The following CSMD2 variants were observed in gnomAD, a reference collection of about 807,000 sequenced individuals.
The protein encoded by CSMD2 is CUB and Sushi multiple domains 2, also known as CUB and sushi domain-containing protein 2.
In CSMD2, 130 loss-of-function variants were observed where a neutral mutation model predicts 398.5. The ratio of observed to expected loss-of-function variants is 0.33; its 90% CI spans 0.28 to 0.38. CSMD2 has a LOEUF of 0.38. CSMD2 is among the 10% of genes least tolerant of loss of function. The pLI is 1.00. For missense variants in CSMD2, 3,829 were observed against 4,764.9 expected, an observed-to-expected ratio of 0.80 and a Z score of 5.78; for synonymous variants, 1,828 against 1,908.5, an observed-to-expected ratio of 0.96 and a Z score of 1.10.
chr1:33,550,398 C>T, intron 55 of CSMD2, 48 bp from the exon 56 acceptor site: 1 of 1,559,090 alleles, frequency 6.4e-7, no homozygotes. Flanking sequence ...AGGGATGGCT[C>T]ACCATCACAC....
intron 2 of CSMD2, among the ~76,000 whole-genome samples, chr1:34,055,325 G>A (rs1023629151): frequency 1.3e-5 from 2 of 152,190 alleles, no homozygotes; most frequent in Non-Finnish European, 2.9e-5. Flanking sequence ...TTCTGCAGTG[G>A]ATGCAGGCTG....
chr1:33,659,871 A>G (rs953744617), intron 26 of CSMD2, among the ~76,000 whole-genome samples: 8 of 152,256 alleles, frequency 5.3e-5, no homozygotes, highest in Non-Finnish European at 1.0e-4. Context: ...TTTTGTAAAT[A>G]AAGTTTTACT....
intron 3 of CSMD2, among the ~76,000 whole-genome samples, chr1:33,958,618 TAG>T (rs983358801): frequency 1.1e-4 from 17 of 152,184 alleles, no homozygotes; most frequent in Non-Finnish European, 2.1e-4. Context: ...CTTGAAGCAG[TAG>T]AGACTTTTCT....
At chr1:34,098,368 C>G (rs1210888601) in intron 1 of CSMD2, among the ~76,000 whole-genome samples, 3 of 145,814 alleles carry the variant, frequency 2.1e-5, no homozygotes, top group Non-Finnish European at 4.5e-5. Context: ...ACGTATGTAA[C>G]TAACCTGCAC....
chr1:33,648,361 C>CAAAAAA (rs61207590), intron 28 of CSMD2, among the ~76,000 whole-genome samples: 5,605 of 71,366 alleles, frequency 0.079, 154 homozygotes, highest in East Asian at 0.15. Context: ...GACTCTGTCT[C>CAAAAAA]AAAAAAAAAA....
At chr1:33,984,918 C>T (rs1453527058) in intron 3 of CSMD2, among the ~76,000 whole-genome samples, 2 of 151,990 alleles carry the variant, frequency 1.3e-5, no homozygotes, top group Non-Finnish European at 2.9e-5. Flanking sequence ...CACAGAACCC[C>T]AGAACCCCAG....
chr1:34,069,759 T>C (rs1337176137), intron 2 of CSMD2, among the ~76,000 whole-genome samples: 1 of 152,186 alleles, frequency 6.6e-6, no homozygotes, highest in East Asian at 1.9e-4. Flanking sequence ...GAGGTGTGAT[T>C]AGATTTGGAG....
In CSMD2 at chr1:33,633,310, G is replaced by T. The variant is rs1190926918; in HGVS notation, c.5200+112C>A. 2.9e-5 allele frequency: 22 copies of T among 765,812 alleles called. No homozygotes were observed. The East Asian group carries it at 5.7e-4, about 20-fold the overall frequency. The allele number at this position is 765,812 out of a possible 1,614,324, so 47.4% of individuals were successfully genotyped here. A position where few individuals can be genotyped will look rare whatever the true frequency, so the allele number is the denominator to read the frequency against. ...AGCACCAGAACACGACAGGCACGCA[G>T]AGCCGTAGGGTTCCACCTGCGGCCA... On this transcript the variant is annotated intron_variant, in intron 32 of 70. Transcript: ENST00000373381. This position sits in a 1 kb window ranked among gnomAD's most constrained non-coding sequence, Gnocchi z 5.0.
chr1:34,140,533 AC>A (rs368071562), intron 1 of CSMD2, among the ~76,000 whole-genome samples: 4 of 152,178 alleles, frequency 2.6e-5, no homozygotes, highest in African/African-American at 9.6e-5. Flanking sequence ...CACCTTGGCA[AC>A]CACGAGGGAG....
intron 5 of CSMD2, among the ~76,000 whole-genome samples, chr1:33,905,277 G>A (rs541645924): frequency 1.3e-5 from 2 of 152,106 alleles, no homozygotes; most frequent in Non-Finnish European, 2.9e-5. Context: ...GGACCCTCTG[G>A]GTAGTCCAAG....
intron 6 of CSMD2, among the ~76,000 whole-genome samples, chr1:33,845,962 A>G (rs752992524): frequency 1.3e-5 from 2 of 152,240 alleles, no homozygotes; most frequent in African/African-American, 4.8e-5. Flanking sequence ...GGTACACAAT[A>G]TAAGCTTGCT....
chr1:33,931,531 A>G (rs1644313158), intron 4 of CSMD2, among the ~76,000 whole-genome samples: 1 of 151,134 alleles, frequency 6.6e-6, no homozygotes, highest in Admixed American at 6.6e-5. Flanking sequence ...TTGGAAAGTC[A>G]TTTTATTCTC....
At chr1:33,655,290 C>G (rs1018936453) in intron 27 of CSMD2, among the ~76,000 whole-genome samples, 2 of 152,224 alleles carry the variant, frequency 1.3e-5, no homozygotes, top group African/African-American at 4.8e-5. Flanking sequence ...GCCAGCTGTC[C>G]ACCCCTCTGA....
chr1:33,675,156 C>T (rs1253337722), intron 25 of CSMD2, among the ~76,000 whole-genome samples: 6 of 152,068 alleles, frequency 3.9e-5, no homozygotes, highest in Admixed American at 1.3e-4. Context: ...TTCAAAAAAT[C>T]AATGAATCCA....
chr1:33,827,963 A>G (rs950404162), intron 6 of CSMD2, among the ~76,000 whole-genome samples: 1 of 152,170 alleles, frequency 6.6e-6, no homozygotes, highest in Admixed American at 6.5e-5. Flanking sequence ...TAACAGGCCA[A>G]TCCCCAAATC....
intron 1 of CSMD2, among the ~76,000 whole-genome samples, chr1:34,113,375 A>G (rs1225342529): frequency 6.6e-6 from 1 of 152,228 alleles, no homozygotes; most frequent in Non-Finnish European, 1.5e-5. Flanking sequence ...ACATCCTCTC[A>G]AAACATGTCT....
At position 33,750,926 on chromosome 1, in the gene CSMD2, T is replaced by C. The variant is rs534983669; in HGVS notation, c.1847-7320A>G. Among the ~76,000 whole-genome samples, 85 of 152,198 alleles carry C rather than the reference T, an allele frequency of 5.6e-4. 1 individual carries two copies. Among genetic ancestry groups the C allele is most frequent in the African/African-American group, 1.9e-3 (80 of 41,548 alleles). ...TAAGGGAAATTTTAAACTACAGAAA[T>C]GGAAGATTTTAGATTTCAAAAATCA... is the stretch of plus-strand genomic sequence containing the variant. On this transcript the variant is annotated intron_variant, in intron 13 of 70. Transcript: ENST00000373381.
chr1:33,966,559 C>A (rs1205225333), intron 3 of CSMD2, among the ~76,000 whole-genome samples: 1 of 152,120 alleles, frequency 6.6e-6, no homozygotes, highest in Non-Finnish European at 1.5e-5. Flanking sequence ...TGTGAAAAAT[C>A]ATTTCCCAAA....
chr1:33,725,612 G>C, intron 16 of CSMD2, 76 bp from the exon 17 acceptor site: 3 of 1,373,370 alleles, frequency 2.2e-6, no homozygotes, highest in Non-Finnish European at 3.1e-6. Context: ...AGCCCTGCCT[G>C]ACCCAGGGCT....
Sources: allele counts gnomAD v4.1 joint callset (sites outside exome capture counted in the v4.1 genomes callset), GRCh38; gene constraint gnomAD v4.1.1; non-coding constraint Gnocchi (gnomAD v3.1); transcripts MANE v1.5; gene names NCBI Gene and HGNC (gene_info 2026-07-23, HGNC 2026-07-21).